The following FBXL7 variants were observed in gnomAD, a reference collection of about 807,000 sequenced individuals.
FBXL7 encodes the protein F-box/LRR-repeat protein 7.
FBXL7 carries 12 observed loss-of-function variants against 38.3 expected under a neutral mutation model. That is an observed-to-expected ratio of 0.31 (90% confidence interval 0.20 to 0.51). The LOEUF (loss-of-function observed/expected upper bound fraction) is 0.51, where lower values mean the gene tolerates loss of function less well. Ranked by LOEUF, FBXL7 falls within the 20% of genes least tolerant of loss-of-function variation. The pLI is 0.98. For synonymous variants in FBXL7, 297 were observed against 300.9 expected, an observed-to-expected ratio of 0.99 and a Z score of 0.13; for missense variants, 567 against 676.4, an observed-to-expected ratio of 0.84 and a Z score of 1.79.
chr5:15,645,121 T>G (rs573717177), intron 2 of FBXL7, among the ~76,000 whole-genome samples: 1 of 152,336 alleles, frequency 6.6e-6, no homozygotes, highest in South Asian at 2.1e-4. Context: ...TTTTCTGTTT[T>G]TGTTGTTCCC....
chr5:15,501,856 GTGCATGTGTA>G (rs1273120444), intron 1 of FBXL7: 1 of 462,942 alleles, frequency 2.2e-6, no homozygotes, highest in East Asian at 1.6e-4. Context: ...ACTTCCATAT[GTGCATGTGTA>G]TGTGTGTGTG....
chr5:15,629,550 A>G (rs1740931433), intron 2 of FBXL7, among the ~76,000 whole-genome samples: 1 of 152,164 alleles, frequency 6.6e-6, no homozygotes, highest in African/African-American at 2.4e-5. Context: ...CCAGACCTGC[A>G]AATATGCCCA....
chr5:15,841,888 G>A (rs1221416975), intron 2 of FBXL7, among the ~76,000 whole-genome samples: 1 of 152,252 alleles, frequency 6.6e-6, no homozygotes, highest in Non-Finnish European at 1.5e-5. Flanking sequence ...AGATTTCAGA[G>A]GATGTATGGA....
chr5:15,826,734 T>C (rs1490217274), intron 2 of FBXL7, among the ~76,000 whole-genome samples: 3 of 152,178 alleles, frequency 2.0e-5, no homozygotes, highest in Non-Finnish European at 4.4e-5. Context: ...CAACATTTTC[T>C]GTGACTTTGT....
chr5:15,567,505 C>T (rs1738621280), intron 1 of FBXL7, among the ~76,000 whole-genome samples: 1 of 152,032 alleles, frequency 6.6e-6, no homozygotes, highest in South Asian at 2.1e-4. Context: ...GCTTGCACAT[C>T]AGCATTCAGT....
At chr5:15,790,993 G>A (rs1384880196) in intron 2 of FBXL7, among the ~76,000 whole-genome samples, 2 of 151,320 alleles carry the variant, frequency 1.3e-5, no homozygotes, top group African/African-American at 4.9e-5. Context: ...GGGTGGCCTG[G>A]TAGGGTAGAC....
intron 2 of FBXL7, among the ~76,000 whole-genome samples, chr5:15,899,323 C>T (rs1741180016): frequency 6.6e-6 from 1 of 152,194 alleles, no homozygotes; most frequent in Admixed American, 6.5e-5. Context: ...GCCTCGGCCT[C>T]CCAATGTGCT....
At chr5:15,567,393 G>A (rs1049603444) in intron 1 of FBXL7, among the ~76,000 whole-genome samples, 1 of 152,132 alleles carries the variant, frequency 6.6e-6, no homozygotes, top group East Asian at 1.9e-4. Flanking sequence ...AAGCTGTAAA[G>A]TAGAATATTA....
intron 2 of FBXL7, among the ~76,000 whole-genome samples, chr5:15,774,230 C>T (rs999319934): frequency 1.3e-5 from 2 of 152,058 alleles, no homozygotes; most frequent in African/African-American, 2.4e-5. Flanking sequence ...ACTTCTACTA[C>T]TGACTGACCC....
At chr5:15,848,699 T>C in intron 2 of FBXL7, among the ~76,000 whole-genome samples, 1 of 152,138 alleles carries the variant, frequency 6.6e-6, no homozygotes, top group East Asian at 1.9e-4. Context: ...ATGGAATCAT[T>C]TAACTAAGAG....
chr5:15,890,601 G>A (rs1229733395), intron 2 of FBXL7, among the ~76,000 whole-genome samples: 1 of 152,112 alleles, frequency 6.6e-6, no homozygotes, highest in Non-Finnish European at 1.5e-5. Context: ...ACGGACCTAG[G>A]TTGCACGCCC....
At chr5:15,715,922 A>C (rs1244660820) in intron 2 of FBXL7, among the ~76,000 whole-genome samples, 1 of 152,194 alleles carries the variant, frequency 6.6e-6, no homozygotes, top group Non-Finnish European at 1.5e-5. Flanking sequence ...CACTACAGAT[A>C]TGTTTAATGC....
chr5:15,730,757 A>T (rs1291273607), intron 2 of FBXL7, among the ~76,000 whole-genome samples: 1 of 152,220 alleles, frequency 6.6e-6, no homozygotes, highest in Non-Finnish European at 1.5e-5. Flanking sequence ...TAGATATATG[A>T]TACAAAGGGA....
intron 2 of FBXL7, among the ~76,000 whole-genome samples, chr5:15,855,732 T>G (rs1260967533): frequency 6.6e-6 from 1 of 152,064 alleles, no homozygotes; most frequent in African/African-American, 2.4e-5. Context: ...TATGGAACAT[T>G]TACAGTTTGC....
chr5:15,795,351 T>A (rs1415942020), intron 2 of FBXL7, among the ~76,000 whole-genome samples: 1 of 152,232 alleles, frequency 6.6e-6, no homozygotes, highest in East Asian at 1.9e-4. Context: ...AAATGTATGA[T>A]TGTTTGCAGT....
At chr5:15,749,402 G>A (rs919082594) in intron 2 of FBXL7, among the ~76,000 whole-genome samples, 1 of 152,064 alleles carries the variant, frequency 6.6e-6, no homozygotes. Flanking sequence ...CAAGGCGGGC[G>A]AATCACGAGG....
intron 2 of FBXL7, among the ~76,000 whole-genome samples, chr5:15,722,118 C>T (rs1268118967): frequency 1.3e-5 from 2 of 152,188 alleles, no homozygotes; most frequent in Admixed American, 1.3e-4. Flanking sequence ...CAGGCGTGAG[C>T]CATCACGCCC....
At chr5:15,793,601 G>A (rs372861192) in intron 2 of FBXL7, among the ~76,000 whole-genome samples, 9 of 152,306 alleles carry the variant, frequency 5.9e-5, no homozygotes, top group African/African-American at 1.9e-4. Context: ...CTTTATGGAG[G>A]CAACCCACTG....
intron 1 of FBXL7, among the ~76,000 whole-genome samples, chr5:15,577,028 C>T (rs1052199896): frequency 6.6e-6 from 1 of 152,100 alleles, no homozygotes; most frequent in Admixed American, 6.5e-5. Flanking sequence ...AATTATTTTG[C>T]CATAAAGGCT....
Sources: gnomAD v4.1 joint callset for allele counts (sites outside exome capture counted in the v4.1 genomes callset) on GRCh38, gnomAD v4.1.1 for gene constraint, MANE v1.5 for transcripts, NCBI Gene and HGNC (gene_info 2026-07-23, HGNC 2026-07-21) for gene names.